SVEP1: variants seen among roughly 807,000 people sequenced by gnomAD.
SVEP1 encodes the protein sushi, von Willebrand factor type A, EGF and pentraxin domain-containing protein 1.
A neutral mutation model predicts 367.3 loss-of-function variants in SVEP1; 164 were observed. That is an observed-to-expected ratio of 0.45 (90% confidence interval 0.39 to 0.51). The LOEUF (loss-of-function observed/expected upper bound fraction) is 0.51. Among genes scored for constraint, SVEP1 ranks in the 20% least tolerant of loss-of-function variants. The pLI is 0.00. For missense variants in SVEP1, 4,117 were observed against 4,425.3 expected (o/e 0.93, Z 1.98); for synonymous variants, 1,666 against 1,611.6 (o/e 1.03, Z -0.81).
intron 40 of SVEP1, among the ~76,000 whole-genome samples, chr9:110,390,114 TATAC>T (rs1448349214): frequency 5.5e-5 from 6 of 108,602 alleles, no homozygotes; most frequent in African/African-American, 1.9e-4. Flanking sequence ...TATAAGTATA[TATAC>T]ATACATACTT....
chr9:110,411,122 G>C lies in SVEP1; in HGVS notation c.6589C>G (p.Pro2197Ala). 6.2e-7 allele frequency: 1 copy of C among 1,613,306 alleles called. No individual in the cohort carries two copies. Residue 2197 changes from proline to alanine, a missense_variant, in exon 37 of 48, where the codon CCG becomes GCG. Coordinates refer to ENST00000374469, the MANE Select transcript of SVEP1 (RefSeq NM_153366.4). ...EATGQWSSPI[P>A]TCHPVSCGEP... is the part of the protein sequence containing the mutation. ...CCACAAGATACCGGGTGGCACGTCG[G>C]TATAGGACTACTCCACTGCCCTGTG...
chr9:110,556,288 G>T (rs1411535694), intron 1 of SVEP1, among the ~76,000 whole-genome samples: 1 of 152,122 alleles, frequency 6.6e-6, no homozygotes, highest in Non-Finnish European at 1.5e-5. Context: ...GGCTGCAAGA[G>T]AACTGTTTTG....
intron 40 of SVEP1, among the ~76,000 whole-genome samples, chr9:110,392,496 T>C (rs1206984289): frequency 4.6e-5 from 7 of 152,172 alleles, no homozygotes; most frequent in Admixed American, 3.9e-4. Context: ...TAATGTCTGG[T>C]TGTCTCCATT....
Position 110,391,874 on chromosome 9 carries a change from G to A in SVEP1, c.9823-2287C>T, listed in dbSNP as rs577955073. Among the ~76,000 whole-genome samples the A allele has an allele frequency of 4.6e-5, 7 of 152,028 alleles. No homozygotes were observed. The South Asian group carries it at 1.5e-3, about 32-fold the overall frequency. On this transcript the variant is annotated intron_variant, in intron 40 of 47. Transcript: ENST00000374469. ...GATTGCCCTCGCCAATGTGGAGGGTGGGGGGCATCTTCCAAAACACTGAGG... is the reference window on the plus strand; with the variant it reads ...GATTGCCCTCGCCAATGTGGAGGGTAGGGGGCATCTTCCAAAACACTGAGG...
rs551354253 is a variant in SVEP1, at chr9:110,393,719, C to A, written c.9823-4132G>T. On this transcript the variant is annotated intron_variant, in intron 40 of 47. Coordinates refer to ENST00000374469, the MANE Select transcript of SVEP1 (RefSeq NM_153366.4). ...CAAACCAGGAGATTATATCCCGCAC[C>A]TGGCTCAGAGGGTCCTATGCCCACA... Among the ~76,000 whole-genome samples, 53 of 152,338 alleles carry A rather than the reference C, an allele frequency of 3.5e-4. No homozygotes were observed. The South Asian group carries it at 3.7e-3, about 11-fold the overall frequency.
chr9:110,505,920 C>T (rs1178391321), intron 5 of SVEP1, among the ~76,000 whole-genome samples: 1 of 151,900 alleles, frequency 6.6e-6, no homozygotes, highest in Non-Finnish European at 1.5e-5. Context: ...CTGTACCCAT[C>T]AACCTGTCAT....
intron 6 of SVEP1, among the ~76,000 whole-genome samples, chr9:110,502,145 G>A (rs1432180163): frequency 1.4e-5 from 2 of 142,844 alleles, no homozygotes; most frequent in Non-Finnish European, 3.0e-5. Flanking sequence ...CACTGTCGCT[G>A]GGGCTAGAGT....
At chr9:110,424,929 C>T (rs1588046534) in intron 36 of SVEP1, among the ~76,000 whole-genome samples, 1 of 152,234 alleles carries the variant, frequency 6.6e-6, no homozygotes, top group East Asian at 1.9e-4. Context: ...CTGCCTTGGC[C>T]TCCCAAAGTG....
At chr9:110,526,662 C>T (rs537520370) in intron 3 of SVEP1, among the ~76,000 whole-genome samples, 1 of 152,238 alleles carries the variant, frequency 6.6e-6, no homozygotes, top group Admixed American at 6.5e-5. Context: ...TGCAATCCCA[C>T]AATTACATTC....
At chr9:110,507,624 TC>T (rs1281241319) in intron 5 of SVEP1, among the ~76,000 whole-genome samples, 2 of 152,208 alleles carry the variant, frequency 1.3e-5, no homozygotes, top group Non-Finnish European at 2.9e-5. Flanking sequence ...CATTTTGCCT[TC>T]CGTGTTTTAA....
intron 1 of SVEP1, among the ~76,000 whole-genome samples, chr9:110,565,814 A>T (rs952399543): frequency 2.0e-5 from 3 of 151,204 alleles, no homozygotes; most frequent in African/African-American, 7.3e-5. Flanking sequence ...AATGAACTTC[A>T]CTGGTGAGTA....
intron 8 of SVEP1, among the ~76,000 whole-genome samples, chr9:110,490,295 T>C (rs558051343): frequency 1.3e-5 from 2 of 152,296 alleles, no homozygotes; most frequent in South Asian, 4.1e-4. Context: ...ACTTCAGATA[T>C]CCATCACCTT....
chr9:110,384,328 T>C (rs947954748), intron 43 of SVEP1, among the ~76,000 whole-genome samples: 2 of 152,050 alleles, frequency 1.3e-5, no homozygotes, highest in African/African-American at 4.8e-5. Context: ...CACCTTGCTT[T>C]TTCTCGCTTT....
At chr9:110,529,242 T>C (rs1416707330) in intron 3 of SVEP1, among the ~76,000 whole-genome samples, 1 of 150,728 alleles carries the variant, frequency 6.6e-6, no homozygotes, top group Non-Finnish European at 1.5e-5. Flanking sequence ...ATGTCTACTT[T>C]TACATCAGTA....
intron 1 of SVEP1, among the ~76,000 whole-genome samples, chr9:110,550,833 T>C (rs1830277048): frequency 6.6e-6 from 1 of 152,234 alleles, no homozygotes; most frequent in South Asian, 2.1e-4. Context: ...ATGCTCTTCC[T>C]TCTCTACAGA....
intron 3 of SVEP1, among the ~76,000 whole-genome samples, chr9:110,532,289 T>A (rs1035109917): frequency 7.2e-5 from 11 of 152,102 alleles, no homozygotes; most frequent in African/African-American, 2.7e-4. Context: ...ATGGTAAGTG[T>A]GAACAGAGAG....
chr9:110,431,016 A>G (rs969222084), intron 32 of SVEP1, among the ~76,000 whole-genome samples: 3 of 152,226 alleles, frequency 2.0e-5, no homozygotes, highest in African/African-American at 7.2e-5. Context: ...TGAATTCTCA[A>G]AACGGGAGGA....
At chr9:110,455,071 A>C (rs904368159) in intron 22 of SVEP1, among the ~76,000 whole-genome samples, 6 of 152,196 alleles carry the variant, frequency 3.9e-5, no homozygotes, top group African/African-American at 1.4e-4. Flanking sequence ...AGTGGTCCAT[A>C]ACAATTTCAA....
intron 3 of SVEP1, among the ~76,000 whole-genome samples, chr9:110,528,859 T>C (rs1195938595): frequency 6.6e-6 from 1 of 151,752 alleles, no homozygotes; most frequent in Non-Finnish European, 1.5e-5. Context: ...ATTACATTTA[T>C]TAATTTTAAA....
Sources: allele counts gnomAD v4.1 joint callset (sites outside exome capture counted in the v4.1 genomes callset), GRCh38; gene constraint gnomAD v4.1.1; transcripts MANE v1.5; gene names NCBI Gene and HGNC (gene_info 2026-07-23, HGNC 2026-07-21).